PROM1: variants seen among roughly 807,000 people sequenced by gnomAD.
PROM1 encodes the protein prominin 1, also known as prominin-1.
A neutral mutation model predicts 116.9 loss-of-function variants in PROM1; 105 were observed. That is an observed-to-expected ratio of 0.90 (90% CI 0.77 to 1.06). The LOEUF is 1.06. Ranked by LOEUF, PROM1 falls within the 50% of genes least tolerant of loss-of-function variation. The probability of loss-of-function intolerance (pLI) is 0.00; values close to 1 mark genes in which losing one functional copy is unlikely to be tolerated. For missense variants in PROM1, 1,122 were observed against 1,045.2 expected (o/e 1.07, Z -1.01); for synonymous variants, 393 against 387.0 (o/e 1.02, Z -0.18).
At chr4:15,969,936 TTTTG>T (rs747045487) in intron 27 of PROM1, among the ~76,000 whole-genome samples, 84 of 152,064 alleles carry the variant, frequency 5.5e-4, no homozygotes, top group African/African-American at 1.5e-3. Flanking sequence ...ATTTCTATAT[TTTTG>T]TTTGTTTGTT....
In PROM1 at chr4:15,968,815, G is replaced by A. The variant is rs77472650; in HGVS notation, c.*578C>T. On this transcript the variant is annotated 3_prime_UTR_variant, in exon 28 of 28. Transcript: ENST00000447510. ...TCTCTGCGTGAAGAATATGCTGTAG[G>A]TTTCACACACTTTTAGTGAAAATGG... The A allele has an allele frequency of 5.3e-5, 8 of 152,250 alleles. No individual in the cohort carries two copies. Among genetic ancestry groups the A allele is most frequent in the African/African-American group, 1.7e-4 (7 of 41,540 alleles). 9.4% of individuals were successfully genotyped at this position (152,250 alleles called of 1,614,324 possible).
rs1316870497 is a variant in PROM1, at chr4:15,979,334, A to G, written c.2582+61T>C. 31 of 1,610,996 alleles carry G rather than the reference A, an allele frequency of 1.9e-5. No homozygotes were observed. In the South Asian group the frequency reaches 3.3e-4, roughly 17 times the overall value. ...GCAGCATGCAGAAAATTCAGTGCTG[A>G]TCTATAGGAGATGAGACGGTTTATC... On this transcript the variant is annotated intron_variant, in intron 26 of 27. Coordinates refer to ENST00000447510, the MANE Select transcript of PROM1 (RefSeq NM_006017.3).
chr4:16,015,345 CAA>C (rs71649934), intron 10 of PROM1, among the ~76,000 whole-genome samples: 3 of 51,550 alleles, frequency 5.8e-5, no homozygotes, highest in East Asian at 6.1e-4. Flanking sequence ...GACTCCATCT[CAA>C]AAAAAAAAAA....
chr4:16,013,277 G>A lies in PROM1; in HGVS notation c.1139C>T (p.Ala380Val), dbSNP rs1369542308. ...RVQRQTTTVVAGIKRVLNSIG... is the reference protein window; with the variant it reads ...RVQRQTTTVVVGIKRVLNSIG... ...TCACCTCAAACTGTGAATCTCACCT[G>A]CTACGACAGTCGTGGTTTGGCGTTG... The change falls in exon 11 of 28, where the codon GCA (alanine) becomes GTA (valine). Residue 380 changes from alanine to valine, a missense_variant and splice_region_variant. Physicochemically the swap from Ala to Val is moderately conservative, Grantham distance 64. Transcript: ENST00000447510. 3.1e-6 allele frequency: 5 copies of A among 1,603,934 alleles called. No individual in the cohort carries two copies. The highest frequency in any genetic ancestry group is 4.3e-6 in the Non-Finnish European group (5 of 1,170,866).
At position 16,038,932 on chromosome 4, in the gene PROM1, C is replaced by T; in HGVS notation, c.276+14G>A. ...TTCGTATTTTTAATAATAAATACAC[C>T]AATGAAAAATTACCTTGTCATAATC... On this transcript the variant is annotated intron_variant, in intron 3 of 27. Coordinates refer to ENST00000447510, the MANE Select transcript of PROM1 (RefSeq NM_006017.3). 2.7e-6 allele frequency: 4 copies of T among 1,460,254 alleles called. No homozygotes were observed. The highest frequency in any genetic ancestry group is 1.5e-5 in the South Asian group (1 of 66,346). The allele number at this position is 1,460,254 out of a possible 1,614,324, so 90.5% of individuals were successfully genotyped here. A position where few individuals can be genotyped will look rare whatever the true frequency, so the allele number is the denominator to read the frequency against.
In PROM1 at chr4:16,018,246, T is replaced by C. The variant is rs1045738213; in HGVS notation, c.1002+77A>G. 54 of 1,398,030 alleles carry C rather than the reference T, an allele frequency of 3.9e-5. No homozygotes were observed. The South Asian group carries it at 6.4e-4, about 17-fold the overall frequency. The allele number at this position is 1,398,030 out of a possible 1,614,324, so 86.6% of individuals were successfully genotyped here. On this transcript the variant is annotated intron_variant, in intron 9 of 27. Coordinates refer to ENST00000447510, the MANE Select transcript of PROM1 (RefSeq NM_006017.3). ...CCAAGTCAGGCCACCATGCACTGGATAGGTCACCCACGCTTAGCCCTGCCC... is the reference window on the plus strand; with the variant it reads ...CCAAGTCAGGCCACCATGCACTGGACAGGTCACCCACGCTTAGCCCTGCCC...
At chr4:15,987,824 G>A in intron 19 of PROM1, 108 bp from the exon 20 acceptor site, 2 of 798,600 alleles carry the variant, frequency 2.5e-6, no homozygotes, top group East Asian at 2.8e-5. Flanking sequence ...TCTTTACACT[G>A]TAATGGTTTC....
At chr4:16,003,479 T>A in intron 13 of PROM1, 1 of 450,756 alleles carries the variant, frequency 2.2e-6, no homozygotes, top group East Asian at 7.0e-5. Context: ...TGTGCCCAGT[T>A]TGTGATACCT....
intron 2 of PROM1, among the ~76,000 whole-genome samples, chr4:16,046,679 T>C (rs899280033): frequency 1.5e-4 from 23 of 152,362 alleles, no homozygotes; most frequent in Admixed American, 7.2e-4. Context: ...CAAATACACA[T>C]GCATTTGCCT....
chr4:16,026,361 T>C (rs1731272484), intron 5 of PROM1, among the ~76,000 whole-genome samples: 1 of 152,094 alleles, frequency 6.6e-6, no homozygotes, highest in Admixed American at 6.5e-5. Flanking sequence ...GGCCACTAGA[T>C]GGCAGTAAGG....
chr4:15,998,479 T>C lies in PROM1; in HGVS notation c.1588A>G (p.Thr530Ala), dbSNP rs773800028. The part of the protein sequence containing the change: ...TSKELFRVLD[T>A]PYLLNEDWEY... The stretch of plus-strand genomic sequence containing the variant: ...CAGTCTTCATTTAGTAAGTAGGGTG[T>C]ATCCAAAACCTAGAACACATTAGGA... Residue 530 changes from threonine (T) to alanine (A), a missense_variant, in exon 15 of 28, where the codon ACA (threonine) becomes GCA (alanine). By Grantham distance (58) the Thr-to-Ala change is moderately conservative. Transcript: ENST00000447510. 3.7e-6 allele frequency: 6 copies of C among 1,607,726 alleles called. No individual in the cohort carries two copies. Among genetic ancestry groups the C allele is most frequent in the African/African-American group, 2.7e-5 (2 of 74,692 alleles).
At chr4:16,037,694 G>A (rs536691862) in intron 3 of PROM1, among the ~76,000 whole-genome samples, 2 of 152,098 alleles carry the variant, frequency 1.3e-5, no homozygotes, top group East Asian at 1.9e-4. Flanking sequence ...TTTACTTACC[G>A]AGAAGGACTG....
At chr4:16,070,696 A>G (rs1422590797) in intron 2 of PROM1, among the ~76,000 whole-genome samples, 1 of 152,228 alleles carries the variant, frequency 6.6e-6, no homozygotes, top group African/African-American at 2.4e-5. Flanking sequence ...ATATTTTTGC[A>G]GAGAAGCAAA....
At chr4:16,060,269 A>G (rs1203688699) in intron 2 of PROM1, among the ~76,000 whole-genome samples, 1 of 151,982 alleles carries the variant, frequency 6.6e-6, no homozygotes, top group Non-Finnish European at 1.5e-5. Context: ...AGATATATTA[A>G]GTTTTAAAAG....
At chr4:15,985,709 C>T in intron 22 of PROM1, 51 bp downstream of exon 22, 1 of 1,236,846 alleles carries the variant, frequency 8.1e-7, no homozygotes, top group East Asian at 2.4e-5. Flanking sequence ...TAGAAAATGG[C>T]TATCCTGAAA....
intron 22 of PROM1, among the ~76,000 whole-genome samples, chr4:15,984,862 G>A (rs1180664632): frequency 5.9e-5 from 9 of 152,148 alleles, no homozygotes; most frequent in Non-Finnish European, 1.5e-5. Flanking sequence ...CACTATAAAT[G>A]TAATGCCCTT....
At position 16,001,716 on chromosome 4, in the gene PROM1, G is replaced by A. The variant is rs191774681; in HGVS notation, c.1455-1097C>T. Reference sequence around the variant, plus strand: ...GGAGGAAACCACATCGGAGTGGACCGGAGAGTCAGCAGGAGAGGAGGGCAC... The same window carrying A: ...GGAGGAAACCACATCGGAGTGGACCAGAGAGTCAGCAGGAGAGGAGGGCAC... On this transcript the variant is annotated intron_variant, in intron 13 of 27. Coordinates refer to ENST00000447510, the MANE Select transcript of PROM1 (RefSeq NM_006017.3). 3.7e-4 allele frequency among the ~76,000 whole-genome samples: 57 copies of A among 152,264 alleles called. No individual in the cohort carries two copies. In the Middle Eastern group the frequency reaches 0.014, roughly 36 times the overall value.
At chr4:15,977,327 C>G (rs913144406) in intron 26 of PROM1, among the ~76,000 whole-genome samples, 2 of 152,144 alleles carry the variant, frequency 1.3e-5, no homozygotes, top group African/African-American at 4.8e-5. Context: ...CTAGAAGATC[C>G]GATGTTAGGG....
chr4:16,003,104 C>T (rs375900961), intron 13 of PROM1, among the ~76,000 whole-genome samples: 121 of 152,302 alleles, frequency 7.9e-4, no homozygotes, highest in African/African-American at 2.8e-3. Context: ...ATAATACATG[C>T]ATCATTTTCT....
Sources: gnomAD v4.1 joint callset for allele counts (sites outside exome capture counted in the v4.1 genomes callset) on GRCh38, gnomAD v4.1.1 for gene constraint, MANE v1.5 for transcripts, NCBI Gene and HGNC (gene_info 2026-07-23, HGNC 2026-07-21) for gene names.